OPCML: variants seen among roughly 807,000 people sequenced by gnomAD.
OPCML encodes the protein opioid binding protein/cell adhesion molecule like, also known as opioid-binding protein/cell adhesion molecule.
Under a neutral mutation model 37.8 loss-of-function variants are expected in OPCML, and 13 were observed. The ratio of observed to expected loss-of-function variants is 0.34; its 90% CI spans 0.22 to 0.55. The LOEUF is 0.55. OPCML is among the 20% of genes least tolerant of loss of function. The probability of loss-of-function intolerance (pLI) is 0.91; values close to 1 mark genes in which losing one functional copy is unlikely to be tolerated. For missense variants in OPCML, 341 were observed against 435.6 expected (o/e 0.78, Z 1.93); for synonymous variants, 176 against 168.8 (o/e 1.04, Z -0.33).
intron 2 of OPCML, among the ~76,000 whole-genome samples, chr11:132,755,703 T>G (rs1946017392): frequency 6.6e-6 from 1 of 152,230 alleles, no homozygotes. Context: ...GAACGGTTAC[T>G]TGCTTTGCTA....
intron 1 of OPCML, among the ~76,000 whole-genome samples, chr11:133,175,494 A>C (rs1456998412): frequency 6.6e-6 from 1 of 151,926 alleles, no homozygotes; most frequent in African/African-American, 2.4e-5. Context: ...GAAAAAAAAA[A>C]AAAACAGAAC....
intron 1 of OPCML, among the ~76,000 whole-genome samples, chr11:133,453,634 C>T (rs935378027): frequency 6.6e-6 from 1 of 152,172 alleles, no homozygotes; most frequent in Admixed American, 6.5e-5. Context: ...GGCTGGTGCT[C>T]AGTGCACCAG....
chr11:132,600,693 A>C (rs1937800747), intron 3 of OPCML, among the ~76,000 whole-genome samples: 1 of 151,438 alleles, frequency 6.6e-6, no homozygotes, highest in Non-Finnish European at 1.5e-5. Context: ...TGTTAAATGC[A>C]AACTATAAGA....
chr11:133,053,367 C>T (rs1948166400), intron 1 of OPCML, among the ~76,000 whole-genome samples: 1 of 152,204 alleles, frequency 6.6e-6, no homozygotes, highest in Non-Finnish European at 1.5e-5. Flanking sequence ...CTCTTGGCTC[C>T]ATGCCCTTCC....
At chr11:132,961,700 C>G (rs970105527) in intron 1 of OPCML, among the ~76,000 whole-genome samples, 2 of 152,226 alleles carry the variant, frequency 1.3e-5, no homozygotes, top group African/African-American at 2.4e-5. Context: ...CGATGAGCCC[C>G]TTTGACTGAT....
intron 3 of OPCML, among the ~76,000 whole-genome samples, chr11:132,621,576 T>C (rs940213554): frequency 3.3e-5 from 5 of 152,170 alleles, no homozygotes; most frequent in Non-Finnish European, 5.9e-5. Flanking sequence ...TCCATTTATA[T>C]GAAGCTGAGG....
chr11:132,816,273 T>C (rs1939632219), intron 2 of OPCML, among the ~76,000 whole-genome samples: 1 of 152,174 alleles, frequency 6.6e-6, no homozygotes, highest in African/African-American at 2.4e-5. Context: ...ACTGTTTTTG[T>C]AAAGGGCCAG....
intron 1 of OPCML, among the ~76,000 whole-genome samples, chr11:133,445,543 CA>C (rs1276238981): frequency 1.3e-5 from 2 of 152,222 alleles, no homozygotes; most frequent in African/African-American, 4.8e-5. Context: ...CAACAGTTAG[CA>C]AATGCTGCTG....
At chr11:132,652,517 C>T (rs772334468) in intron 3 of OPCML, among the ~76,000 whole-genome samples, 3 of 152,078 alleles carry the variant, frequency 2.0e-5, no homozygotes, top group Non-Finnish European at 4.4e-5. Context: ...GGTTCAAGAC[C>T]CAGCTCTGCT....
At chr11:133,499,200 A>G (rs909271742) in intron 1 of OPCML, among the ~76,000 whole-genome samples, 2 of 152,122 alleles carry the variant, frequency 1.3e-5, no homozygotes, top group South Asian at 4.2e-4. Context: ...GCCCATATGG[A>G]AAGTGGAGAG....
chr11:133,442,436 A>G (rs1031960913), intron 1 of OPCML, among the ~76,000 whole-genome samples: 12 of 152,206 alleles, frequency 7.9e-5, no homozygotes, highest in African/African-American at 2.4e-4. Context: ...TTCCACTTCC[A>G]GGAAAATAAC....
In OPCML at chr11:132,415,265, A is replaced by G. The variant is rs963520879; in HGVS notation, c.*4928T>C. ...TTTGAACATAGATTTTTTTTGAAGG[A>G]TAATTGTGAGAATGGGCACACCCAT... On this transcript the variant is annotated 3_prime_UTR_variant, in exon 8 of 8. Transcript: ENST00000524381. The G allele has an allele frequency of 1.0e-4, 16 of 152,612 alleles. No individual in the cohort carries two copies. Among genetic ancestry groups the G allele is most frequent in the South Asian group, 2.1e-4 (1 of 4,832 alleles). The allele number at this position is 152,612 out of a possible 1,614,324, so 9.5% of individuals were successfully genotyped here. A position where few individuals can be genotyped will look rare whatever the true frequency, so the allele number is the denominator to read the frequency against.
At chr11:132,670,239 TC>T (rs796923757) in intron 2 of OPCML, among the ~76,000 whole-genome samples, 78 of 152,306 alleles carry the variant, frequency 5.1e-4, no homozygotes, top group African/African-American at 1.7e-3. Context: ...GAGCTTGATA[TC>T]TTTTTGAAGA....
chr11:133,112,592 G>A (rs554713988), intron 1 of OPCML, among the ~76,000 whole-genome samples: 1 of 152,128 alleles, frequency 6.6e-6, no homozygotes, highest in Non-Finnish European at 1.5e-5. Context: ...ATAAATAAAA[G>A]GTGTCAGCAT....
At chr11:132,441,162 TTTG>T (rs1427692803) in intron 4 of OPCML, among the ~76,000 whole-genome samples, 10,667 of 110,532 alleles carry the variant, frequency 0.097, 1,544 homozygotes, top group African/African-American at 0.28. Context: ...CAAGGACTTT[TTTG>T]TTTTTTTTTT....
intron 3 of OPCML, among the ~76,000 whole-genome samples, chr11:132,550,218 G>A (rs2096378287): frequency 6.6e-6 from 1 of 152,114 alleles, no homozygotes; most frequent in Non-Finnish European, 1.5e-5. Context: ...ACATTAAGGG[G>A]GTGATAATAG....
At chr11:132,648,347 C>T (rs966852965) in intron 3 of OPCML, among the ~76,000 whole-genome samples, 4 of 152,102 alleles carry the variant, frequency 2.6e-5, no homozygotes, top group South Asian at 2.1e-4. Context: ...CAGGTCTCTT[C>T]GGAAATAAGC....
intron 1 of OPCML, among the ~76,000 whole-genome samples, chr11:133,483,973 G>GTAGA (rs36132068): frequency 0.32 from 47,016 of 149,152 alleles, 8,873 homozygotes; most frequent in African/African-American, 0.52. Flanking sequence ...ATATAGATAG[G>GTAGA]TAGATAGAAA....
At chr11:133,374,066 C>A (rs1332643930) in intron 1 of OPCML, among the ~76,000 whole-genome samples, 1 of 152,110 alleles carries the variant, frequency 6.6e-6, no homozygotes, top group Non-Finnish European at 1.5e-5. Context: ...ATGTTCATAG[C>A]AACTTTATCT....
Sources: allele counts gnomAD v4.1 joint callset (sites outside exome capture counted in the v4.1 genomes callset), GRCh38; gene constraint gnomAD v4.1.1; transcripts MANE v1.5; gene names NCBI Gene and HGNC (gene_info 2026-07-23, HGNC 2026-07-21).